AMPD3: variants seen among roughly 807,000 people sequenced by gnomAD.
AMPD3 encodes AMP deaminase 3.
A neutral mutation model predicts 82.3 loss-of-function variants in AMPD3; 57 were observed. That is an observed-to-expected ratio of 0.69 (90% CI 0.56 to 0.86). The LOEUF (loss-of-function observed/expected upper bound fraction) is 0.86, where lower values mean the gene tolerates loss of function less well. Among genes scored for constraint, AMPD3 ranks in the 40% least tolerant of loss-of-function variants. AMPD3 has a pLI of 0.00. For missense variants in AMPD3, 870 were observed against 1,003.8 expected, an observed-to-expected ratio of 0.87 and a Z score of 1.80; for synonymous variants, 381 against 394.7, an observed-to-expected ratio of 0.97 and a Z score of 0.41.
chr11:10,473,521 A>C, intron 2 of AMPD3: 1 of 985,344 alleles, frequency 1.0e-6, no homozygotes, highest in Non-Finnish European at 1.2e-6. Flanking sequence ...AGGGAGAGAC[A>C]GAGGGTGGGG....
chr11:10,491,578 C>T (rs1483811922), intron 6 of AMPD3, among the ~76,000 whole-genome samples: 1 of 152,186 alleles, frequency 6.6e-6, no homozygotes, highest in Non-Finnish European at 1.5e-5. Context: ...TGAGAACATG[C>T]AGGCTTGAAC....
At chr11:10,454,743 A>G (rs1591433696), upstream of AMPD3, among the ~76,000 whole-genome samples, 1 of 151,960 alleles carries the variant, frequency 6.6e-6, no homozygotes, top group Admixed American at 6.6e-5. Flanking sequence ...TGCAGTCCCC[A>G]CTCTACCTCC....
intron 2 of AMPD3, among the ~76,000 whole-genome samples, chr11:10,467,332 TG>T (rs1360693037): frequency 1.3e-5 from 2 of 152,104 alleles, no homozygotes; most frequent in African/African-American, 4.8e-5. Flanking sequence ...AATGACCTGA[TG>T]GAGCAGAAAA....
Position 10,500,574 on chromosome 11 carries a change from G to A in AMPD3, c.1721+325G>A, listed in dbSNP as rs1390262696. 21 of 983,234 alleles carry A rather than the reference G, an allele frequency of 2.1e-5. 1 individual carries two copies. The South Asian group carries it at 5.2e-4, about 24-fold the overall frequency. The allele number at this position is 983,234 out of a possible 1,614,324, so 60.9% of individuals were successfully genotyped here. On this transcript the variant is annotated intron_variant, in intron 11 of 14. Coordinates refer to ENST00000396553, the MANE Select transcript of AMPD3 (RefSeq NM_001025389.2). The stretch of plus-strand genomic sequence containing the variant: ...GTACACACACCAGGGCACACTCCAC[G>A]TGTACCTGTACATCCCTGAGATAAT...
intron 4 of AMPD3, among the ~76,000 whole-genome samples, chr11:10,483,574 C>G (rs1230330461): frequency 6.6e-6 from 1 of 152,242 alleles, no homozygotes; most frequent in Non-Finnish European, 1.5e-5. Flanking sequence ...GGGTTCTGGG[C>G]ATGAGTATGG....
At chr11:10,493,258 G>C in intron 6 of AMPD3, 91 bp from the exon 7 acceptor site, 2 of 1,468,814 alleles carry the variant, frequency 1.4e-6, no homozygotes, top group Non-Finnish European at 9.5e-7. Context: ...ATGAGGTGCT[G>C]GGGTTCTGTG....
rs1475463462 is a variant in AMPD3, at chr11:10,499,637, G to A, written c.1558-449G>A. On this transcript the variant is annotated intron_variant, in intron 10 of 14. Coordinates refer to ENST00000396553, the MANE Select transcript of AMPD3 (RefSeq NM_001025389.2). ...TCTGAATATGAATTAACTGACGTGA[G>A]TAAAGTGCTTTGAGCAGGGCTTGAT... 4.1e-6 allele frequency: 4 copies of A among 984,870 alleles called. No homozygotes were observed. In the South Asian group the frequency reaches 1.4e-4, roughly 35 times the overall value. 61.0% of individuals were successfully genotyped at this position (984,870 alleles called of 1,614,324 possible). A position where few individuals can be genotyped will look rare whatever the true frequency, so the allele number is the denominator to read the frequency against.
chr11:10,461,419 T>C, intron 1 of AMPD3, 96 bp from the exon 2 acceptor site: 1 of 1,605,846 alleles, frequency 6.2e-7, no homozygotes, highest in Non-Finnish European at 8.5e-7. Flanking sequence ...TGACCCCAAG[T>C]ACCAGGTGGG....
At position 10,473,455 on chromosome 11, in the gene AMPD3, A is replaced by G. The variant is rs1162051191; in HGVS notation, c.222-5071A>G. ...TGAGTGGAGATTACAGTAGGCCAGG[A>G]GGGGTTGTGGGGAAGGGAGGATGGA... On this transcript the variant is annotated intron_variant, in intron 2 of 14. Transcript: ENST00000396553. The G allele has an allele frequency of 4.1e-6, 4 of 985,070 alleles. No individual in the cohort carries two copies. The South Asian group carries it at 1.4e-4, about 35-fold the overall frequency. The allele number at this position is 985,070 out of a possible 1,614,324, so 61.0% of individuals were successfully genotyped here.
At chr11:10,495,069 C>T (rs759457090) in intron 8 of AMPD3, 39 bp downstream of exon 8, 6 of 1,613,572 alleles carry the variant, frequency 3.7e-6, no homozygotes, top group Non-Finnish European at 5.1e-6. Context: ...CTCTCAGGTG[C>T]CTCCCAACAT....
At chr11:10,483,230 A>G (rs1335440912) in intron 4 of AMPD3, among the ~76,000 whole-genome samples, 3 of 152,094 alleles carry the variant, frequency 2.0e-5, no homozygotes, top group Non-Finnish European at 4.4e-5. Context: ...AAGCCTTGCC[A>G]TGAAGAACCT....
upstream of AMPD3, among the ~76,000 whole-genome samples, chr11:10,452,386 A>G (rs1253317760): frequency 6.6e-6 from 1 of 152,100 alleles, no homozygotes; most frequent in Non-Finnish European, 1.5e-5. Context: ...TGCTGGTTGC[A>G]TATCTAGGAC....
Position 10,491,222 on chromosome 11 carries a change from C to T in AMPD3, c.940-2127C>T, listed in dbSNP as rs538934951. Among the ~76,000 whole-genome samples the T allele has an allele frequency of 7.9e-5, 12 of 152,296 alleles. 1 individual carries two copies. The highest frequency in any genetic ancestry group is 1.9e-4 in the East Asian group (1 of 5,168). ...CCTTGAGGCTGCTGTCGTCCTCCCCCGGAGCTCCCATAGGTCCCTTGTGCT... is the reference window on the plus strand; with the variant it reads ...CCTTGAGGCTGCTGTCGTCCTCCCCTGGAGCTCCCATAGGTCCCTTGTGCT... On this transcript the variant is annotated intron_variant, in intron 6 of 14. Transcript: ENST00000396553.
At chr11:10,498,073 G>A (rs943450334) in intron 10 of AMPD3, among the ~76,000 whole-genome samples, 4 of 152,192 alleles carry the variant, frequency 2.6e-5, no homozygotes, top group Non-Finnish European at 4.4e-5. Context: ...GCGTTTCCAG[G>A]CAGGCTGACT....
intron 6 of AMPD3, among the ~76,000 whole-genome samples, chr11:10,492,297 C>G (rs1272800580): frequency 6.6e-6 from 1 of 152,226 alleles, no homozygotes; most frequent in Non-Finnish European, 1.5e-5. Flanking sequence ...CCTTGGGCCC[C>G]ACAGCTTGAG....
At chr11:10,495,169 G>T in intron 8 of AMPD3, 139 bp downstream of exon 8, 12 of 1,591,972 alleles carry the variant, frequency 7.5e-6, no homozygotes, top group Non-Finnish European at 1.0e-5. Flanking sequence ...AGGTGCCCAG[G>T]TGCCCAGTGC....
intron 2 of AMPD3, among the ~76,000 whole-genome samples, chr11:10,467,376 A>T (rs542207470): frequency 2.1e-4 from 32 of 152,256 alleles, no homozygotes; most frequent in Non-Finnish European, 3.8e-4. Context: ...AGCATTCACA[A>T]GTATGAATAG....
In AMPD3 at chr11:10,496,802, T is replaced by TGTC; in HGVS notation, c.1431-9_1431-7dup. The TGTC allele has an allele frequency of 1.2e-6, 2 of 1,614,196 alleles. No homozygotes were observed. The highest frequency in any genetic ancestry group is 1.7e-6 in the Non-Finnish European group (2 of 1,180,028). ...ATCCACCTGACAAGCGAGTCTTTGC[T>TGTC]GTCCCCCAGTGACATATTTAGGTCA... On this transcript the variant is annotated splice_polypyrimidine_tract_variant and intron_variant, in intron 9 of 14. Transcript: ENST00000396553.
intron 2 of AMPD3, among the ~76,000 whole-genome samples, chr11:10,467,527 C>A (rs895070592): frequency 3.3e-5 from 5 of 152,008 alleles, no homozygotes; most frequent in Admixed American, 3.3e-4. Flanking sequence ...GTGCAAAGAC[C>A]AAACCTACGT....
Sources: gnomAD v4.1 joint callset for allele counts (sites outside exome capture counted in the v4.1 genomes callset) on GRCh38, gnomAD v4.1.1 for gene constraint, MANE v1.5 for transcripts, NCBI Gene and HGNC (gene_info 2026-07-23, HGNC 2026-07-21) for gene names.